Variants in GALNT13 observed in about 807,000 individuals in gnomAD.
The protein encoded by GALNT13 is UDP-GalNAc:polypeptide N-acetylgalactosaminyltransferase 13.
GALNT13 carries 28 observed loss-of-function variants against 64.2 expected under a neutral mutation model. The observed-to-expected ratio is 0.44, with a 90% CI of 0.32 to 0.60. GALNT13 has a LOEUF of 0.60. Among genes scored for constraint, GALNT13 ranks in the 20% least tolerant of loss-of-function variants. GALNT13 has a pLI of 0.05. For missense variants in GALNT13, 577 were observed against 669.8 expected, an observed-to-expected ratio of 0.86 and a Z score of 1.53; for synonymous variants, 214 against 224.6, an observed-to-expected ratio of 0.95 and a Z score of 0.42.
the GALNT13 span, among the ~76,000 whole-genome samples, chr2:153,395,214 G>A: frequency 4.6e-5 from 7 of 152,262 alleles, no homozygotes; most frequent in African/African-American, 1.7e-4. Context: ...TTGGTCAAGA[G>A]AGCAACTATT....
the GALNT13 span, among the ~76,000 whole-genome samples, chr2:153,100,409 G>A: frequency 1.3e-5 from 2 of 152,168 alleles, no homozygotes; most frequent in Non-Finnish European, 2.9e-5. Context: ...TGTCACCTGT[G>A]CTTGAAAGTA....
intron 3 of GALNT13, among the ~76,000 whole-genome samples, chr2:154,046,315 C>T (rs2105337097): frequency 6.6e-6 from 1 of 152,102 alleles, no homozygotes; most frequent in Admixed American, 6.5e-5. Flanking sequence ...CAGAGCAAGA[C>T]TTTAAAAAAT....
the GALNT13 span, among the ~76,000 whole-genome samples, chr2:153,264,163 C>G: frequency 2.0e-5 from 3 of 152,270 alleles, no homozygotes; most frequent in Non-Finnish European, 4.4e-5. Flanking sequence ...AGAAGACATA[C>G]AAGTGGACAA....
the GALNT13 span, among the ~76,000 whole-genome samples, chr2:153,349,055 TAA>T: frequency 2.0e-5 from 3 of 152,212 alleles, no homozygotes; most frequent in Admixed American, 2.0e-4. Context: ...TTAACTATGA[TAA>T]GTACATTTCA....
chr2:153,562,848 T>C, the GALNT13 span, among the ~76,000 whole-genome samples: 2 of 152,166 alleles, frequency 1.3e-5, no homozygotes, highest in Non-Finnish European at 2.9e-5. Flanking sequence ...TTTTGCCTAG[T>C]GCTAAATAAT....
chr2:154,454,071 G>C (rs1469468063), downstream of GALNT13, among the ~76,000 whole-genome samples: 3 of 152,106 alleles, frequency 2.0e-5, no homozygotes, highest in Non-Finnish European at 4.4e-5. Context: ...TCAGAGGAGA[G>C]ATATCACTGT....
At chr2:153,291,015 TAG>T in the GALNT13 span, among the ~76,000 whole-genome samples, 2 of 152,184 alleles carry the variant, frequency 1.3e-5, no homozygotes, top group African/African-American at 4.8e-5. Context: ...GTTGGTTTAT[TAG>T]AGATTCTTTG....
chr2:154,192,350 C>A (rs928372049), intron 4 of GALNT13, among the ~76,000 whole-genome samples: 2 of 152,112 alleles, frequency 1.3e-5, no homozygotes, highest in African/African-American at 4.8e-5. Context: ...GCCAGGAGTG[C>A]GTCCTCACCT....
At chr2:154,005,736 A>G (rs1303645059) in intron 3 of GALNT13, among the ~76,000 whole-genome samples, 3 of 152,148 alleles carry the variant, frequency 2.0e-5, no homozygotes, top group Non-Finnish European at 2.9e-5. Flanking sequence ...TGGTTAAAAT[A>G]AAAACAACTG....
chr2:153,947,225 G>T (rs559772614), intron 3 of GALNT13, among the ~76,000 whole-genome samples: 1 of 152,084 alleles, frequency 6.6e-6, no homozygotes, highest in South Asian at 2.1e-4. Flanking sequence ...TATAACTGAG[G>T]TCCCTGATGT....
At chr2:153,238,380 G>T in the GALNT13 span, among the ~76,000 whole-genome samples, 1 of 151,894 alleles carries the variant, frequency 6.6e-6, no homozygotes, top group South Asian at 2.1e-4. Context: ...CTGTGCTTGT[G>T]GGGTATTACT....
chr2:153,782,513 C>T, the GALNT13 span, among the ~76,000 whole-genome samples: 1 of 152,040 alleles, frequency 6.6e-6, no homozygotes, highest in Non-Finnish European at 1.5e-5. Flanking sequence ...TGTATGGGAC[C>T]TCTGTTGCTT....
the GALNT13 span, among the ~76,000 whole-genome samples, chr2:153,114,569 T>G: frequency 1.3e-5 from 2 of 152,238 alleles, no homozygotes; most frequent in South Asian, 4.1e-4. Flanking sequence ...TGAACACATC[T>G]GAGAGCTGAC....
chr2:153,993,791 A>G (rs899302559), intron 3 of GALNT13, among the ~76,000 whole-genome samples: 1 of 151,340 alleles, frequency 6.6e-6, no homozygotes, highest in Non-Finnish European at 1.5e-5. Context: ...AATGACTTTT[A>G]TTCTTTTACT....
At chr2:153,232,831 TCTCAA>T in the GALNT13 span, among the ~76,000 whole-genome samples, 1 of 152,216 alleles carries the variant, frequency 6.6e-6, no homozygotes, top group Non-Finnish European at 1.5e-5. Flanking sequence ...AGGAGACTCT[TCTCAA>T]CTCAAGTTCT....
the GALNT13 span, among the ~76,000 whole-genome samples, chr2:153,171,293 T>C: frequency 6.6e-6 from 1 of 152,364 alleles, no homozygotes; most frequent in South Asian, 2.1e-4. Context: ...TTTTGGCAAC[T>C]AATTGAGTGC....
chr2:154,097,440 A>G (rs1166946612), intron 3 of GALNT13, among the ~76,000 whole-genome samples: 1 of 152,134 alleles, frequency 6.6e-6, no homozygotes, highest in African/African-American at 2.4e-5. Context: ...GTTAAAATAA[A>G]TTATAATTAA....
intron 8 of GALNT13, among the ~76,000 whole-genome samples, chr2:154,262,747 A>G (rs911934110): frequency 2.6e-5 from 4 of 152,172 alleles, no homozygotes; most frequent in African/African-American, 9.6e-5. Flanking sequence ...ATTTATTAAA[A>G]TATCAGTTAT....
At chr2:153,786,109 G>T in the GALNT13 span, among the ~76,000 whole-genome samples, 1 of 151,928 alleles carries the variant, frequency 6.6e-6, no homozygotes, top group African/African-American at 2.4e-5. Context: ...TTCTCACTGG[G>T]CAGGGCTGCC....
Sources: allele counts gnomAD v4.1 joint callset (sites outside exome capture counted in the v4.1 genomes callset), GRCh38; gene constraint gnomAD v4.1.1; transcripts MANE v1.5; gene names NCBI Gene and HGNC (gene_info 2026-07-23, HGNC 2026-07-21).